DNAJC1: variants seen among roughly 807,000 people sequenced by gnomAD.
The protein encoded by DNAJC1 is dnaJ homolog subfamily C member 1.
DNAJC1 carries 58 observed loss-of-function variants against 76.6 expected under a neutral mutation model. The observed-to-expected ratio is 0.76, with a 90% CI of 0.61 to 0.94. DNAJC1 has a LOEUF of 0.94. DNAJC1 is among the 40% of genes least tolerant of loss of function. DNAJC1 has a pLI of 0.00. For missense variants in DNAJC1, 689 were observed against 677.3 expected, an observed-to-expected ratio of 1.02 and a Z score of -0.19; for synonymous variants, 258 against 267.9, an observed-to-expected ratio of 0.96 and a Z score of 0.36.
intron 1 of DNAJC1, among the ~76,000 whole-genome samples, chr10:21,985,154 C>G (rs746035656): frequency 5.3e-5 from 8 of 151,928 alleles, no homozygotes; most frequent in Non-Finnish European, 7.4e-5. Flanking sequence ...GCAACCATCA[C>G]CAAAATCCCA....
At chr10:21,848,744 A>G (rs993989332) in intron 8 of DNAJC1, among the ~76,000 whole-genome samples, 3 of 152,220 alleles carry the variant, frequency 2.0e-5, no homozygotes, top group Non-Finnish European at 4.4e-5. Flanking sequence ...CCACAAAACA[A>G]GTGTCAATAA....
At chr10:21,881,092 C>T (rs1187881374) in intron 8 of DNAJC1, among the ~76,000 whole-genome samples, 1 of 152,242 alleles carries the variant, frequency 6.6e-6, no homozygotes, top group Admixed American at 6.5e-5. Flanking sequence ...GAACCAACCT[C>T]TGCTAGCTTC....
chr10:21,833,918 C>G (rs888467417), intron 8 of DNAJC1, among the ~76,000 whole-genome samples: 3 of 152,036 alleles, frequency 2.0e-5, no homozygotes, highest in East Asian at 1.9e-4. Context: ...AGAAATCAGA[C>G]AGGGGAAAGA....
At chr10:21,838,386 G>C (rs1835509416) in intron 8 of DNAJC1, among the ~76,000 whole-genome samples, 1 of 152,132 alleles carries the variant, frequency 6.6e-6, no homozygotes, top group South Asian at 2.1e-4. Context: ...ATTAAGGGCG[G>C]TGCAAGATGT....
intron 7 of DNAJC1, among the ~76,000 whole-genome samples, chr10:21,900,284 A>G (rs1212217078): frequency 6.6e-6 from 1 of 151,876 alleles, no homozygotes; most frequent in African/African-American, 2.4e-5. Flanking sequence ...CGGAGGTTGC[A>G]GTGAGCCAAC....
rs1820738665 is a variant in DNAJC1, at chr10:21,857,971, T to C, written c.978+24311A>G. 2.0e-5 allele frequency among the ~76,000 whole-genome samples: 3 copies of C among 152,158 alleles called. 1 individual carries two copies. In the South Asian group the frequency reaches 6.2e-4, roughly 32 times the overall value. Reference sequence around the variant, plus strand: ...TAAAAAAGATGAATGTCAACAAACATTAGTGCAATTCTTACTGAATTATAT... The same window carrying C: ...TAAAAAAGATGAATGTCAACAAACACTAGTGCAATTCTTACTGAATTATAT... On this transcript the variant is annotated intron_variant, in intron 8 of 11. Transcript: ENST00000376980.
intron 1 of DNAJC1, among the ~76,000 whole-genome samples, chr10:21,955,015 T>C (rs1837655701): frequency 6.6e-6 from 1 of 152,094 alleles, no homozygotes; most frequent in African/African-American, 2.4e-5. Context: ...TAGGAGGCTG[T>C]TCTGTGCATT....
At chr10:21,957,535 A>G (rs1454039751) in intron 1 of DNAJC1, among the ~76,000 whole-genome samples, 1 of 152,182 alleles carries the variant, frequency 6.6e-6, no homozygotes, top group African/African-American at 2.4e-5. Context: ...AGTATAATCT[A>G]CTTACCCATT....
rs116903633 is a variant in DNAJC1, at chr10:21,887,924, A to G, written c.821-5485T>C. On this transcript the variant is annotated intron_variant, in intron 7 of 11. Transcript: ENST00000376980. The stretch of plus-strand genomic sequence containing the variant: ...TAAGAGCTTCTGCACAGCATAAAGA[A>G]ACTATCGACAGAGTAAAAAGACAAC... 3.9e-3 allele frequency among the ~76,000 whole-genome samples: 588 copies of G among 152,316 alleles called. 2 individuals carry two copies. The highest frequency in any genetic ancestry group is 6.2e-3 in the Non-Finnish European group (422 of 68,024).
At chr10:21,964,642 T>G (rs976779177) in intron 1 of DNAJC1, among the ~76,000 whole-genome samples, 1 of 152,084 alleles carries the variant, frequency 6.6e-6, no homozygotes, top group African/African-American at 2.4e-5. Flanking sequence ...AAACTTTGCA[T>G]CTGCTAATCA....
At chr10:21,873,080 G>A (rs1220538998) in intron 8 of DNAJC1, among the ~76,000 whole-genome samples, 1 of 152,152 alleles carries the variant, frequency 6.6e-6, no homozygotes, top group East Asian at 1.9e-4. Flanking sequence ...TCTAATAACC[G>A]GTGCACGCAT....
chr10:21,920,925 C>T lies in DNAJC1; in HGVS notation c.410G>A (p.Arg137Gln), dbSNP rs757066267. ...DILINGLPDW[R>Q]QPVFYYRRVR... ...CCGCCTGTAGTAGAATACAGGCTGT[C>T]GCCAATCTGGAAGTCCATTGATCAG... is the stretch of plus-strand genomic sequence containing the variant. The change falls in exon 4 of 12, where the codon CGA (arginine) becomes CAA (glutamine). Residue 137 changes from arginine to glutamine, a missense_variant. Coordinates refer to ENST00000376980, the MANE Select transcript of DNAJC1 (RefSeq NM_022365.4). The T allele has an allele frequency of 6.8e-6, 11 of 1,611,464 alleles. No homozygotes were observed. Among genetic ancestry groups the T allele is most frequent in the East Asian group, 4.5e-5 (2 of 44,802 alleles).
At chr10:21,830,691 C>T (rs1313386679) in intron 8 of DNAJC1, among the ~76,000 whole-genome samples, 1 of 152,084 alleles carries the variant, frequency 6.6e-6, no homozygotes, top group Non-Finnish European at 1.5e-5. Flanking sequence ...TTCTTTCTTT[C>T]TGAAATGTAT....
intron 7 of DNAJC1, among the ~76,000 whole-genome samples, chr10:21,896,164 G>C (rs1214330715): frequency 6.6e-6 from 1 of 152,196 alleles, no homozygotes; most frequent in Admixed American, 6.5e-5. Context: ...AGCAATAGAA[G>C]TGGGGCCACC....
intron 8 of DNAJC1, among the ~76,000 whole-genome samples, chr10:21,811,114 T>C (rs1027845875): frequency 3.9e-5 from 6 of 152,134 alleles, no homozygotes; most frequent in African/African-American, 7.2e-5. Flanking sequence ...GCTGAGGAGA[T>C]TCCTTTGATA....
intron 8 of DNAJC1, among the ~76,000 whole-genome samples, chr10:21,858,335 T>C (rs1417823480): frequency 6.6e-6 from 1 of 152,222 alleles, no homozygotes; most frequent in Non-Finnish European, 1.5e-5. Context: ...TATAACCAAG[T>C]ATCTTTCAAA....
chr10:21,813,802 C>T (rs1159192558), intron 8 of DNAJC1, among the ~76,000 whole-genome samples: 1 of 152,172 alleles, frequency 6.6e-6, no homozygotes, highest in Non-Finnish European at 1.5e-5. Context: ...CAGGATTCCC[C>T]ATCTGTAATA....
intron 1 of DNAJC1, among the ~76,000 whole-genome samples, chr10:21,932,515 A>G (rs1276212029): frequency 1.1e-4 from 16 of 152,254 alleles, no homozygotes; most frequent in Admixed American, 1.0e-3. Context: ...TGATCTCTAA[A>G]AACCTGTCAA....
intron 1 of DNAJC1, among the ~76,000 whole-genome samples, chr10:21,930,116 T>C (rs901290874): frequency 2.6e-5 from 4 of 152,266 alleles, no homozygotes; most frequent in East Asian, 1.9e-4. Flanking sequence ...GCTGGAATTA[T>C]AGGCATGCGC....
Sources: allele counts gnomAD v4.1 joint callset (sites outside exome capture counted in the v4.1 genomes callset), GRCh38; gene constraint gnomAD v4.1.1; transcripts MANE v1.5; gene names NCBI Gene and HGNC (gene_info 2026-07-23, HGNC 2026-07-21).